The following DAP variants were observed in gnomAD, a reference collection of about 807,000 sequenced individuals.
The protein encoded by DAP is death associated protein.
A neutral mutation model predicts 13.8 loss-of-function variants in DAP; 8 were observed. The ratio of observed to expected loss-of-function variants is 0.58; its 90% CI spans 0.34 to 1.05. DAP has a LOEUF of 1.05. Among genes scored for constraint, DAP ranks in the 50% least tolerant of loss-of-function variants. The pLI, the probability that DAP is intolerant of heterozygous loss-of-function variation, is 0.03. For synonymous variants in DAP, 47 were observed against 47.5 expected, an observed-to-expected ratio of 0.99 and a Z score of 0.04; for missense variants, 106 against 133.2, an observed-to-expected ratio of 0.80 and a Z score of 1.01.
chr5:10,747,251 G>A (rs971482515), intron 2 of DAP, among the ~76,000 whole-genome samples: 2 of 152,208 alleles, frequency 1.3e-5, no homozygotes, highest in Non-Finnish European at 1.5e-5. Context: ...GCAGAGGTGT[G>A]TTAGTGGTGC....
intron 2 of DAP, among the ~76,000 whole-genome samples, chr5:10,739,059 G>T (rs141048538): frequency 6.6e-6 from 1 of 151,932 alleles, no homozygotes; most frequent in Non-Finnish European, 1.5e-5. Context: ...AAAATTAGCC[G>T]AACGTGGTGG....
intron 2 of DAP, among the ~76,000 whole-genome samples, chr5:10,700,750 G>A (rs930067084): frequency 6.6e-5 from 10 of 152,226 alleles, no homozygotes; most frequent in Middle Eastern, 3.2e-3. Flanking sequence ...GCGGCAAGAG[G>A]GTGCTGGGCT....
intron 2 of DAP, among the ~76,000 whole-genome samples, chr5:10,726,508 A>C (rs941743029): frequency 9.2e-5 from 14 of 152,162 alleles, no homozygotes. Flanking sequence ...AAGTGCATTC[A>C]AGTTTGGGAG....
At chr5:10,683,350 T>C in intron 3 of DAP, 179 bp downstream of exon 3, 2 of 729,488 alleles carry the variant, frequency 2.7e-6, no homozygotes, top group Non-Finnish European at 4.9e-6. Flanking sequence ...GAGTCTGGCC[T>C]GCGGTCTGCA....
At chr5:10,712,334 A>G (rs1385017820) in intron 2 of DAP, among the ~76,000 whole-genome samples, 1 of 152,182 alleles carries the variant, frequency 6.6e-6, no homozygotes, top group Non-Finnish European at 1.5e-5. Context: ...CTAGCAAACT[A>G]ACACAGCAAC....
At chr5:10,718,943 T>C (rs1017093587) in intron 2 of DAP, among the ~76,000 whole-genome samples, 5 of 152,234 alleles carry the variant, frequency 3.3e-5, no homozygotes, top group Non-Finnish European at 5.9e-5. Context: ...GTCCATTACA[T>C]TGATGACCTT....
At chr5:10,741,814 G>C (rs745481222) in intron 2 of DAP, among the ~76,000 whole-genome samples, 1 of 152,204 alleles carries the variant, frequency 6.6e-6, no homozygotes, top group Non-Finnish European at 1.5e-5. Flanking sequence ...AGTATTTTTT[G>C]TGACAATCAA....
intron 2 of DAP, among the ~76,000 whole-genome samples, chr5:10,688,375 A>G (rs1738209256): frequency 6.6e-6 from 1 of 152,160 alleles, no homozygotes; most frequent in Non-Finnish European, 1.5e-5. Context: ...GAATTTTTAA[A>G]TTTTTAAAAT....
At chr5:10,711,537 G>A (rs1199596078) in intron 2 of DAP, among the ~76,000 whole-genome samples, 2 of 152,192 alleles carry the variant, frequency 1.3e-5, no homozygotes, top group Non-Finnish European at 2.9e-5. Context: ...CTCTGTGAGA[G>A]CCATAACTTC....
intron 1 of DAP, among the ~76,000 whole-genome samples, chr5:10,755,053 T>C (rs1213332014): frequency 1.3e-5 from 2 of 152,206 alleles, no homozygotes; most frequent in African/African-American, 2.4e-5. Flanking sequence ...CTTAGAATCA[T>C]AGACTGAAGG....
intron 2 of DAP, among the ~76,000 whole-genome samples, chr5:10,746,778 C>T (rs1346313952): frequency 1.3e-5 from 2 of 152,118 alleles, no homozygotes; most frequent in South Asian, 2.1e-4. Context: ...CTCACGTGGC[C>T]GCTCCGTAAC....
intron 2 of DAP, among the ~76,000 whole-genome samples, chr5:10,709,392 C>A (rs1355215339): frequency 2.0e-5 from 3 of 152,196 alleles, no homozygotes; most frequent in Non-Finnish European, 4.4e-5. Context: ...TGTGCCAGAC[C>A]CAAACGCAGG....
intron 2 of DAP, among the ~76,000 whole-genome samples, chr5:10,724,661 A>T (rs933815199): frequency 6.6e-6 from 1 of 152,210 alleles, no homozygotes; most frequent in African/African-American, 2.4e-5. Flanking sequence ...GTGGTCCAAG[A>T]TTTTCAAAAA....
chr5:10,728,904 C>A (rs969755754), intron 2 of DAP, among the ~76,000 whole-genome samples: 65 of 152,172 alleles, frequency 4.3e-4, no homozygotes, highest in Admixed American at 3.3e-3. Flanking sequence ...CTGCTTTTTT[C>A]AAAATGAACA....
At chr5:10,715,375 C>T (rs1333405336) in intron 2 of DAP, among the ~76,000 whole-genome samples, 1 of 152,186 alleles carries the variant, frequency 6.6e-6, no homozygotes, top group Non-Finnish European at 1.5e-5. Flanking sequence ...GATGCCCCAC[C>T]CACCTCCAGG....
intron 2 of DAP, among the ~76,000 whole-genome samples, chr5:10,719,267 GC>G (rs1357725515): frequency 1.3e-5 from 2 of 152,224 alleles, no homozygotes; most frequent in African/African-American, 4.8e-5. Flanking sequence ...GACCCGAAAG[GC>G]TGTCAGCTTT....
At chr5:10,713,338 T>C (rs1738898638) in intron 2 of DAP, among the ~76,000 whole-genome samples, 1 of 152,194 alleles carries the variant, frequency 6.6e-6, no homozygotes, top group African/African-American at 2.4e-5. Context: ...GAGCAGTTCC[T>C]TGTGGGAGTT....
At chr5:10,758,503 T>G (rs1468141666) in intron 1 of DAP, among the ~76,000 whole-genome samples, 1 of 152,114 alleles carries the variant, frequency 6.6e-6, no homozygotes, top group Non-Finnish European at 1.5e-5. Flanking sequence ...AGATGACAGA[T>G]GGTGACAGCC....
chr5:10,689,866 G>A (rs1232792394), intron 2 of DAP, among the ~76,000 whole-genome samples: 1 of 152,162 alleles, frequency 6.6e-6, no homozygotes, highest in East Asian at 1.9e-4. Context: ...GAGCTGAGGA[G>A]CAGGGACAGG....
Sources: allele counts gnomAD v4.1 joint callset (sites outside exome capture counted in the v4.1 genomes callset), GRCh38; gene constraint gnomAD v4.1.1; transcripts MANE v1.5; gene names NCBI Gene and HGNC (gene_info 2026-07-23, HGNC 2026-07-21).